SGSM1: variants seen among roughly 807,000 people sequenced by gnomAD.
The protein encoded by SGSM1 is small G protein signaling modulator 1, also known as RUN and TBC1 domain containing 2.
Under a neutral mutation model 133.8 loss-of-function variants are expected in SGSM1, and 73 were observed. The ratio of observed to expected loss-of-function variants is 0.55; its 90% CI spans 0.45 to 0.66. The LOEUF (loss-of-function observed/expected upper bound fraction) is 0.66, where lower values mean the gene tolerates loss of function less well. Among genes scored for constraint, SGSM1 ranks in the 30% least tolerant of loss-of-function variants. The pLI, the probability that SGSM1 is intolerant of heterozygous loss-of-function variation, is 0.00. For synonymous variants in SGSM1, 563 were observed against 573.0 expected, an observed-to-expected ratio of 0.98 and a Z score of 0.25; for missense variants, 1,213 against 1,448.1, an observed-to-expected ratio of 0.84 and a Z score of 2.64.
rs985427295 is a variant in SGSM1 at position 24,901,887 on chromosome 22, C to G, written c.2665C>G (p.Gln889Glu). ...VNLHRIEKDV[Q>E]RCDRNYWYFT... ...CCTGCACCGCATCGAGAAGGATGTGCAGAGGTGCGACCGCAACTACTGGTA... is the reference window on the plus strand; with the variant it reads ...CCTGCACCGCATCGAGAAGGATGTGGAGAGGTGCGACCGCAACTACTGGTA... The change falls in exon 20 of 25, where the codon CAG (glutamine) becomes GAG (glutamate). Residue 889 changes from glutamine (Q) to glutamate (E), a missense_variant. Transcript: ENST00000400358. 2.5e-6 allele frequency: 4 copies of G among 1,609,974 alleles called. No individual in the cohort carries two copies. Among genetic ancestry groups the G allele is most frequent in the African/African-American group, 1.3e-5 (1 of 74,692 alleles).
chr22:24,918,449 T>C (rs1933897096), intron 23 of SGSM1, among the ~76,000 whole-genome samples: 1 of 145,150 alleles, frequency 6.9e-6, no homozygotes, highest in African/African-American at 2.6e-5. Flanking sequence ...TGAGCCGAGA[T>C]AACACCATTG....
chr22:24,861,087 G>A (rs1931124045), intron 9 of SGSM1, among the ~76,000 whole-genome samples: 3 of 150,788 alleles, frequency 2.0e-5, no homozygotes, highest in Admixed American at 1.3e-4. Flanking sequence ...GGGCGCGGTG[G>A]CTCATGCCTG....
At chr22:24,854,761 C>T (rs945173674) in intron 5 of SGSM1, among the ~76,000 whole-genome samples, 5 of 152,262 alleles carry the variant, frequency 3.3e-5, no homozygotes, top group Admixed American at 2.0e-4. Context: ...GGTTACAGTG[C>T]GCTTTGATTG....
chr22:24,840,567 TC>T (rs1395397087), intron 2 of SGSM1, among the ~76,000 whole-genome samples: 1 of 151,840 alleles, frequency 6.6e-6, no homozygotes, highest in Non-Finnish European at 1.5e-5. Flanking sequence ...GGTCTTGAAC[TC>T]CTGACCTCAG....
In SGSM1 at chr22:24,876,561, C is replaced by A; in HGVS notation, c.1292-16C>A. 6.2e-7 allele frequency: 1 copy of A among 1,613,940 alleles called. No individual in the cohort carries two copies. Among genetic ancestry groups the A allele is most frequent in the Non-Finnish European group, 8.5e-7 (1 of 1,179,838 alleles). On this transcript the variant is annotated splice_polypyrimidine_tract_variant and intron_variant, in intron 12 of 24. Coordinates refer to ENST00000400358, the MANE Select transcript of SGSM1 (RefSeq NM_001098497.3). ...AACCAGGGTGATTCTTCTGCCCCTC[C>A]TTCTATCCACCACAGTGCCCCAGGA...
intron 16 of SGSM1, among the ~76,000 whole-genome samples, chr22:24,892,647 A>G (rs1363193260): frequency 2.0e-5 from 3 of 152,050 alleles, no homozygotes; most frequent in Non-Finnish European, 4.4e-5. Context: ...CCATATGGCT[A>G]GTTTGGTGCC....
intron 8 of SGSM1, 109 bp downstream of exon 8, chr22:24,855,789 C>A: frequency 1.3e-6 from 2 of 1,530,786 alleles, no homozygotes; most frequent in Non-Finnish European, 1.8e-6. Context: ...CATTTATGCA[C>A]TCACCCATGC....
chr22:24,891,993 G>A (rs1932822508), intron 16 of SGSM1, among the ~76,000 whole-genome samples: 1 of 152,100 alleles, frequency 6.6e-6, no homozygotes, highest in African/African-American at 2.4e-5. Flanking sequence ...TAGGATGGTG[G>A]AGGCAGCAGT....
At position 24,868,428 on chromosome 22, in the gene SGSM1, G is replaced by T; in HGVS notation, c.1047G>T (p.Pro349=). 2 of 1,613,810 alleles carry T rather than the reference G, an allele frequency of 1.2e-6. No individual in the cohort carries two copies. Among genetic ancestry groups the T allele is most frequent in the Non-Finnish European group, 8.5e-7 (1 of 1,179,834 alleles). The change falls in exon 11 of 25, where the codon CCG becomes CCT. Residue 349 remains proline, a synonymous_variant. Coordinates refer to ENST00000400358, the MANE Select transcript of SGSM1 (RefSeq NM_001098497.3). ...VLVSQDGIQR[P]PFRFPKGGHL... ...TCAGCCAGGACGGGATCCAGAGGCC[G>T]CCCTTCCGCTTCCCCAAGGGCGGGC...
chr22:24,851,531 T>C (rs1930485827), intron 5 of SGSM1, among the ~76,000 whole-genome samples: 1 of 151,806 alleles, frequency 6.6e-6, no homozygotes, highest in Admixed American at 6.6e-5. Flanking sequence ...AAGTGCTGGC[T>C]TAACCACATC....
At position 24,898,555 on chromosome 22, in the gene SGSM1, ACT is replaced by A. The variant is rs777672133; in HGVS notation, c.2609_2610del (p.Pro871ArgfsTer37). 2 of 1,598,802 alleles carry A rather than the reference ACT, an allele frequency of 1.3e-6. No homozygotes were observed. Among genetic ancestry groups the A allele is most frequent in the Non-Finnish European group, 1.7e-6 (2 of 1,171,954 alleles). ...CCTGTGTCTTCCAGCGGCGTCACCT[ACT>A]CTGTAAGTCACCAGGACCCTCCGTT... On this transcript the variant is annotated frameshift_variant and splice_region_variant, in exon 19 of 25. Transcript: ENST00000400358. LOFTEE classifies it high-confidence loss of function.
intron 16 of SGSM1, among the ~76,000 whole-genome samples, chr22:24,889,799 G>A (rs199929277): frequency 2.0e-5 from 3 of 149,864 alleles, no homozygotes; most frequent in South Asian, 2.1e-4. Context: ...ACAGGCGCCC[G>A]CCACCATGCC....
chr22:24,894,453 G>A (rs1313327610), intron 17 of SGSM1, among the ~76,000 whole-genome samples: 2 of 152,190 alleles, frequency 1.3e-5, no homozygotes, highest in East Asian at 1.9e-4. Flanking sequence ...CAATAACAGT[G>A]TGTAACAAAC....
At chr22:24,848,094 G>A (rs1348891171) in intron 4 of SGSM1, among the ~76,000 whole-genome samples, 3 of 151,774 alleles carry the variant, frequency 2.0e-5, no homozygotes, top group Middle Eastern at 3.4e-3. Flanking sequence ...TTCCCTCCCC[G>A]TTGTTGTTGG....
chr22:24,886,543 A>G (rs910296421), intron 15 of SGSM1, 57 bp from the exon 16 acceptor site: 2 of 1,537,740 alleles, frequency 1.3e-6, no homozygotes, highest in Non-Finnish European at 1.8e-6. Flanking sequence ...ATCCCTACTA[A>G]AACCACCCCC....
At chr22:24,819,338 C>T (rs1883994) in intron 2 of SGSM1, among the ~76,000 whole-genome samples, 87,924 of 152,012 alleles carry the variant, frequency 0.58, 25,983 homozygotes, top group East Asian at 0.83. Context: ...ATATTTCAAG[C>T]GCCCAGTAGC....
chr22:24,882,787 T>C (rs542038887), intron 14 of SGSM1, among the ~76,000 whole-genome samples: 10 of 152,298 alleles, frequency 6.6e-5, no homozygotes, highest in African/African-American at 2.2e-4. Flanking sequence ...TCGCGTTTTT[T>C]TGCTTAACAT....
chr22:24,858,096 C>G (rs1257557594), intron 8 of SGSM1, among the ~76,000 whole-genome samples: 6 of 152,204 alleles, frequency 3.9e-5, no homozygotes, highest in Non-Finnish European at 7.3e-5. Flanking sequence ...CCCACCTCAG[C>G]TTCCTGAGTA....
chr22:24,897,742 T>C (rs536393897), intron 18 of SGSM1, among the ~76,000 whole-genome samples: 1 of 152,356 alleles, frequency 6.6e-6, no homozygotes, highest in South Asian at 2.1e-4. Flanking sequence ...GTTCTGGGAT[T>C]GCAGGCGTGA....
Sources: allele counts gnomAD v4.1 joint callset (sites outside exome capture counted in the v4.1 genomes callset), GRCh38; gene constraint gnomAD v4.1.1; transcripts MANE v1.5; gene names NCBI Gene and HGNC (gene_info 2026-07-23, HGNC 2026-07-21).